TMEFF1: variants seen among roughly 807,000 people sequenced by gnomAD.
The protein encoded by TMEFF1 is transmembrane protein with EGF like and two follistatin like domains 1.
A neutral mutation model predicts 47.5 loss-of-function variants in TMEFF1; 20 were observed. That is an observed-to-expected ratio of 0.42 (90% CI 0.30 to 0.61). The LOEUF (loss-of-function observed/expected upper bound fraction) is 0.61. TMEFF1 is among the 20% of genes least tolerant of loss of function. The pLI, the probability that TMEFF1 is intolerant of heterozygous loss-of-function variation, is 0.19. For synonymous variants in TMEFF1, 162 were observed against 166.3 expected, an observed-to-expected ratio of 0.97 and a Z score of 0.20; for missense variants, 411 against 471.1, an observed-to-expected ratio of 0.87 and a Z score of 1.18.
chr9:100,551,836 A>G (rs1001201344), intron 7 of TMEFF1, among the ~76,000 whole-genome samples: 6 of 152,356 alleles, frequency 3.9e-5, no homozygotes, highest in South Asian at 2.1e-4. Flanking sequence ...GATTATTGCT[A>G]TAAGTGTATA....
At chr9:100,559,672 CAT>C (rs575554239) in intron 7 of TMEFF1, among the ~76,000 whole-genome samples, 7 of 152,062 alleles carry the variant, frequency 4.6e-5, no homozygotes, top group Non-Finnish European at 1.0e-4. Context: ...TATAAAATTA[CAT>C]ATGTGTCTTG....
At chr9:100,533,161 C>T (rs550504332) in intron 5 of TMEFF1, among the ~76,000 whole-genome samples, 97 of 151,582 alleles carry the variant, frequency 6.4e-4, no homozygotes, top group Non-Finnish European at 1.1e-3. Flanking sequence ...GTGGGTGCAG[C>T]GCACCAGCAT....
rs1837163991 is a variant in TMEFF1 at position 100,473,710 on chromosome 9, G to A, written c.166G>A (p.Gly56Ser). Residue 56 changes from glycine (G) to serine (S), a missense_variant, in exon 1 of 10, where the codon GGC (glycine) becomes AGC (serine). Gly to Ser is a moderately conservative substitution (Grantham distance 56). Coordinates refer to ENST00000374879, the MANE Select transcript of TMEFF1 (RefSeq NM_003692.5). This position sits in a 1 kb window ranked among gnomAD's most constrained non-coding sequence, Gnocchi z 5.4. ...GGGGSGGDCP[G>S]GKGKSINCSE... ...CGGCGGCAGCGGCGGGGACTGTCCC[G>A]GCGGCAAAGGCAAGAGCATCAACTG... 1 of 1,529,996 alleles carries A rather than the reference G, an allele frequency of 6.5e-7. No homozygotes were observed. The highest frequency in any genetic ancestry group is 8.8e-7 in the Non-Finnish European group (1 of 1,137,472). 94.8% of individuals were successfully genotyped at this position (1,529,996 alleles called of 1,614,324 possible). A position where few individuals can be genotyped will look rare whatever the true frequency, so the allele number is the denominator to read the frequency against.
In TMEFF1 at chr9:100,569,692, G is replaced by A. The variant is rs181734587; in HGVS notation, c.900-2826G>A. Among the ~76,000 whole-genome samples, 448 of 152,176 alleles carry A rather than the reference G, an allele frequency of 2.9e-3. 3 individuals are homozygous for A. Among genetic ancestry groups the A allele is most frequent in the Non-Finnish European group, 5.2e-3 (351 of 68,012 alleles). ...TTTATTTAAAAATTGACAAAATTAT[G>A]TATACATATTATGTACATCATATTT... On this transcript the variant is annotated intron_variant, in intron 8 of 9. Transcript: ENST00000374879.
At position 100,576,587 on chromosome 9, in the gene TMEFF1, C is replaced by G. The variant is rs1402407620; in HGVS notation, c.1130C>G (p.Ser377Cys). 13 of 1,612,970 alleles carry G rather than the reference C, an allele frequency of 8.1e-6. No individual in the cohort carries two copies. Among genetic ancestry groups the G allele is most frequent in the Non-Finnish European group, 1.1e-5 (13 of 1,179,552 alleles). Residue 377 changes from serine (S) to cysteine (C), a missense_variant, in exon 10 of 10, where the codon TCC becomes TGC. Transcript: ENST00000374879. ...GGTCATTTTACTTCAGATACGTCAT[C>G]CAGAATGGTTTAAACTGATGACTTT... ...NLGHFTSDTS[S>C]RMV is the part of the protein sequence containing the mutation.
intron 2 of TMEFF1, among the ~76,000 whole-genome samples, chr9:100,502,564 G>A (rs1837783341): frequency 6.6e-6 from 1 of 151,932 alleles, no homozygotes; most frequent in African/African-American, 2.4e-5. Flanking sequence ...AGACCTCTAG[G>A]TTGCCCAGAC....
intron 1 of TMEFF1, among the ~76,000 whole-genome samples, chr9:100,494,793 A>C (rs1297347272): frequency 6.6e-6 from 1 of 152,224 alleles, no homozygotes; most frequent in Non-Finnish European, 1.5e-5. Flanking sequence ...CTGCAACTAC[A>C]AAACAATTTA....
Position 100,509,076 on chromosome 9 carries a change from G to A in TMEFF1, c.378G>A (p.Arg126=). 1 of 1,600,038 alleles carries A rather than the reference G, an allele frequency of 6.2e-7. No homozygotes were observed. The change falls in exon 3 of 10, where the codon AGG becomes AGA. Residue 126 remains arginine, a synonymous_variant. Transcript: ENST00000374879. ...ATCAAAATGAATGCTTTCTCAGAAG[G>A]GCTGCTTGTAAGCACCAGAAAGAGA... ...DTYQNECFLR[R]AACKHQKEIT...
At chr9:100,536,333 T>A (rs781727781) in intron 5 of TMEFF1, among the ~76,000 whole-genome samples, 5 of 152,164 alleles carry the variant, frequency 3.3e-5, no homozygotes, top group East Asian at 1.9e-4. Flanking sequence ...GCTCAAAAAA[T>A]TTTTTAAATG....
intron 6 of TMEFF1, among the ~76,000 whole-genome samples, chr9:100,549,644 A>G (rs897739357): frequency 1.3e-5 from 2 of 152,196 alleles, no homozygotes; most frequent in African/African-American, 2.4e-5. Flanking sequence ...GTCCAGGTGC[A>G]GTTCTCAAAT....
At chr9:100,500,743 T>C (rs1159064200) in intron 2 of TMEFF1, among the ~76,000 whole-genome samples, 1 of 152,228 alleles carries the variant, frequency 6.6e-6, no homozygotes, top group Non-Finnish European at 1.5e-5. Context: ...ATGGACCATA[T>C]TTTCCTGTTT....
At chr9:100,494,513 G>T (rs1357671173) in intron 1 of TMEFF1, among the ~76,000 whole-genome samples, 1 of 152,112 alleles carries the variant, frequency 6.6e-6, no homozygotes, top group Non-Finnish European at 1.5e-5. Flanking sequence ...GTGATTTTAT[G>T]ATTCCTCCAT....
At chr9:100,527,497 C>T (rs1008197608) in intron 5 of TMEFF1, among the ~76,000 whole-genome samples, 16 of 152,138 alleles carry the variant, frequency 1.1e-4, no homozygotes, top group Non-Finnish European at 1.9e-4. Context: ...CCTGGAAAAT[C>T]GGGTCACTCC....
At chr9:100,517,409 T>A (rs1838094147) in intron 5 of TMEFF1, among the ~76,000 whole-genome samples, 1 of 152,230 alleles carries the variant, frequency 6.6e-6, no homozygotes, top group African/African-American at 2.4e-5. Flanking sequence ...TTGTGCTTTC[T>A]TCCTTACTTG....
At position 100,551,005 on chromosome 9, in the gene TMEFF1, A is replaced by G. The variant is rs540023907; in HGVS notation, c.775+845A>G. On this transcript the variant is annotated intron_variant, in intron 7 of 9. Coordinates refer to ENST00000374879, the MANE Select transcript of TMEFF1 (RefSeq NM_003692.5). ...ACTGCTCTTTGATAGGTAAGGACCA[A>G]TGGGAAGATTGAGGATCAATGAGGT... Among the ~76,000 whole-genome samples, 3 of 152,354 alleles carry G rather than the reference A, an allele frequency of 2.0e-5. No homozygotes were observed. The South Asian group carries it at 6.2e-4, about 32-fold the overall frequency.
At chr9:100,541,089 T>C (rs1367244312) in intron 5 of TMEFF1, among the ~76,000 whole-genome samples, 1 of 152,186 alleles carries the variant, frequency 6.6e-6, no homozygotes, top group African/African-American at 2.4e-5. Flanking sequence ...AGTTTTTGAC[T>C]TTCACATTTA....
At chr9:100,524,901 C>A (rs913541835) in intron 5 of TMEFF1, among the ~76,000 whole-genome samples, 1 of 152,112 alleles carries the variant, frequency 6.6e-6, no homozygotes, top group Non-Finnish European at 1.5e-5. Flanking sequence ...AGACCCCCAC[C>A]CCTGGCAGGC....
chr9:100,572,657 A>G lies in TMEFF1; in HGVS notation c.1039A>G (p.Ile347Val). 6.2e-7 allele frequency: 1 copy of G among 1,609,948 alleles called. No individual in the cohort carries two copies. Among genetic ancestry groups the G allele is most frequent in the Non-Finnish European group, 8.5e-7 (1 of 1,178,808 alleles). Residue 347 changes from isoleucine (I) to valine (V), a missense_variant, in exon 9 of 10, where the codon ATT becomes GTT. Ile to Val is a conservative substitution (Grantham distance 29). Transcript: ENST00000374879. ...TGTACAGATTGCCATCATAGTAGCAATTGTAATGTGCATAACAAGGTAGGT... is the reference window on the plus strand; with the variant it reads ...TGTACAGATTGCCATCATAGTAGCAGTTGTAATGTGCATAACAAGGTAGGT... Reference protein sequence around the residue: ...GAVQIAIIVAIVMCITRKCPK... With the variant: ...GAVQIAIIVAVVMCITRKCPK...
intron 5 of TMEFF1, among the ~76,000 whole-genome samples, chr9:100,531,809 G>A (rs1838384926): frequency 6.6e-6 from 1 of 150,984 alleles, no homozygotes; most frequent in Non-Finnish European, 1.5e-5. Context: ...AACAAAGCTG[G>A]TGGAGGCATC....
Sources: allele counts gnomAD v4.1 joint callset (sites outside exome capture counted in the v4.1 genomes callset), GRCh38; gene constraint gnomAD v4.1.1; non-coding constraint Gnocchi (gnomAD v3.1); transcripts MANE v1.5; gene names NCBI Gene and HGNC (gene_info 2026-07-23, HGNC 2026-07-21).